SHLD2: variants seen among roughly 807,000 people sequenced by gnomAD.
SHLD2 encodes RINN1-REV7-interacting novel NHEJ regulator 2.
A neutral mutation model predicts 73.2 loss-of-function variants in SHLD2; 30 were observed. That is an observed-to-expected ratio of 0.41 (90% CI 0.31 to 0.56). The LOEUF (loss-of-function observed/expected upper bound fraction) is 0.56. SHLD2 is among the 20% of genes least tolerant of loss of function. The pLI, the probability that SHLD2 is intolerant of heterozygous loss-of-function variation, is 0.28. For missense variants in SHLD2, 745 were observed against 1,055.9 expected (o/e 0.71, Z 4.08); for synonymous variants, 285 against 370.1 (o/e 0.77, Z 2.64).
intron 2 of SHLD2, among the ~76,000 whole-genome samples, chr10:87,110,476 G>T (rs1038375703): frequency 6.6e-6 from 1 of 151,532 alleles, no homozygotes; most frequent in African/African-American, 2.4e-5. Context: ...AAGTGGTGGC[G>T]GGTGTCTGTA....
chr10:87,108,076 G>A (rs761623986), intron 2 of SHLD2, among the ~76,000 whole-genome samples: 1 of 151,746 alleles, frequency 6.6e-6, no homozygotes, highest in African/African-American at 2.4e-5. Context: ...TTTTTGAGAC[G>A]GAGTTTCGCT....
In SHLD2 at chr10:87,178,408, A is replaced by AT. The variant is rs1166390094; in HGVS notation, c.2171-1656dup. 7.8e-3 allele frequency among the ~76,000 whole-genome samples: 1,162 copies of AT among 149,136 alleles called. 17 individuals carry two copies. The highest frequency in any genetic ancestry group is 0.027 in the African/African-American group (1,109 of 40,754). On this transcript the variant is annotated intron_variant, in intron 7 of 9. Transcript: ENST00000298786. ...CTCTGAATCTGAAATAAAAATCGAA[A>AT]TTTTTTTTTTTACATAATTTTTTAG...
intron 2 of SHLD2, among the ~76,000 whole-genome samples, chr10:87,139,216 G>A (rs1845010354): frequency 6.6e-6 from 1 of 151,612 alleles, no homozygotes; most frequent in Non-Finnish European, 1.5e-5. Context: ...CTTCAAAGTG[G>A]GGTTAAATTA....
At chr10:87,180,402 G>A in intron 8 of SHLD2, 99 bp downstream of exon 8, 1 of 1,459,328 alleles carries the variant, frequency 6.9e-7, no homozygotes, top group Non-Finnish European at 9.2e-7. Flanking sequence ...ATTAACTAGA[G>A]CTAGTCGAAG....
At chr10:87,098,014 G>A (rs1329827149) in intron 2 of SHLD2, among the ~76,000 whole-genome samples, 1 of 151,862 alleles carries the variant, frequency 6.6e-6, no homozygotes, top group Non-Finnish European at 1.5e-5. Context: ...TGCCCGCCTT[G>A]GCCACCGAAA....
At chr10:87,138,298 CA>C (rs1317647424) in intron 2 of SHLD2, among the ~76,000 whole-genome samples, 1 of 139,356 alleles carries the variant, frequency 7.2e-6, no homozygotes, top group Non-Finnish European at 1.5e-5. Flanking sequence ...GACTCAGTCT[CA>C]AAAACAAAGA....
At chr10:87,119,763 G>A (rs1843475813) in intron 2 of SHLD2, among the ~76,000 whole-genome samples, 1 of 136,624 alleles carries the variant, frequency 7.3e-6, no homozygotes, top group Non-Finnish European at 1.5e-5. Context: ...GGGCAACAGT[G>A]CAAGACTCTG....
intron 4 of SHLD2, among the ~76,000 whole-genome samples, chr10:87,162,936 A>T (rs767509699): frequency 2.0e-5 from 3 of 152,174 alleles, no homozygotes; most frequent in African/African-American, 7.2e-5. Context: ...ACAAAATTAC[A>T]TATGTACTTA....
intron 2 of SHLD2, among the ~76,000 whole-genome samples, chr10:87,138,188 C>T (rs1324004405): frequency 6.6e-6 from 1 of 152,028 alleles, no homozygotes; most frequent in Non-Finnish European, 1.5e-5. Flanking sequence ...GTCCCAGCTA[C>T]TCGGGAGGCT....
In SHLD2 at chr10:87,151,685, A is replaced by G. The variant is rs1171735560; in HGVS notation, c.331A>G (p.Arg111Gly). 1 of 1,611,306 alleles carries G rather than the reference A, an allele frequency of 6.2e-7. No individual in the cohort carries two copies. The highest frequency in any genetic ancestry group is 1.7e-5 in the Admixed American group (1 of 59,998). The change falls in exon 3 of 10, where the codon AGA becomes GGA. Residue 111 changes from arginine (R) to glycine (G), a missense_variant. This residue lies in a region of SHLD2 where 280 missense variants were observed against 353.9 expected (regional missense o/e 0.79). Coordinates refer to ENST00000298786, the MANE Select transcript of SHLD2 (RefSeq NM_001330112.2). Reference protein sequence around the residue: ...NIESQKIHSSRLSDITSSNMQ... With the variant: ...NIESQKIHSSGLSDITSSNMQ... ...AGAATCCCAGAAGATTCACTCCTCTAGACTGAGTGATATAACTAGCTCTAA... is the reference window on the plus strand; with the variant it reads ...AGAATCCCAGAAGATTCACTCCTCTGGACTGAGTGATATAACTAGCTCTAA...
chr10:87,117,056 G>A (rs1843300935), intron 2 of SHLD2, among the ~76,000 whole-genome samples: 2 of 152,226 alleles, frequency 1.3e-5, no homozygotes, highest in Non-Finnish European at 2.9e-5. Flanking sequence ...ATCCAGCTAT[G>A]GAGTGGGTTT....
intron 2 of SHLD2, among the ~76,000 whole-genome samples, chr10:87,116,749 T>A (rs1843283245): frequency 6.6e-6 from 1 of 152,112 alleles, no homozygotes; most frequent in African/African-American, 2.4e-5. Context: ...GTATATATAT[T>A]TGTATGAATG....
At chr10:87,168,747 A>G (rs932932784) in intron 4 of SHLD2, among the ~76,000 whole-genome samples, 11 of 152,208 alleles carry the variant, frequency 7.2e-5, no homozygotes, top group Non-Finnish European at 1.5e-4. Context: ...ACTCATGGAC[A>G]TAGAGGTGGC....
chr10:87,172,000 A>G lies in SHLD2; in HGVS notation c.1963+1026A>G, dbSNP rs200196304. Among the ~76,000 whole-genome samples the G allele has an allele frequency of 6.6e-5, 10 of 152,340 alleles. No individual in the cohort carries two copies. The East Asian group carries it at 7.7e-4, about 12-fold the overall frequency. On this transcript the variant is annotated intron_variant, in intron 6 of 9. Coordinates refer to ENST00000298786, the MANE Select transcript of SHLD2 (RefSeq NM_001330112.2). ...GAGCCGTAACAAAGCAGATTGCTCC[A>G]TGTTTAATGTGAATATTCTTTTAAA... is the stretch of plus-strand genomic sequence containing the variant.
At chr10:87,099,905 A>T (rs1399135255) in intron 2 of SHLD2, among the ~76,000 whole-genome samples, 1 of 152,090 alleles carries the variant, frequency 6.6e-6, no homozygotes, top group Non-Finnish European at 1.5e-5. Context: ...GACCATTTTT[A>T]TGTCTTATTT....
intron 2 of SHLD2, among the ~76,000 whole-genome samples, chr10:87,111,225 C>G (rs575339404): frequency 1.2e-4 from 18 of 152,204 alleles, no homozygotes; most frequent in Non-Finnish European, 1.9e-4. Context: ...ACAGTGGCGC[C>G]ATCATGGCTC....
chr10:87,173,324 A>C lies in SHLD2; in HGVS notation c.1963+2350A>C, dbSNP rs1386252767. ...ATTATAGGCATGAGCCAGCCACCGC[A>C]CCCGGCCAGCATAATGAACTTAGGT... On this transcript the variant is annotated intron_variant, in intron 6 of 9. Coordinates refer to ENST00000298786, the MANE Select transcript of SHLD2 (RefSeq NM_001330112.2). Among the ~76,000 whole-genome samples the C allele has an allele frequency of 3.3e-5, 5 of 152,192 alleles. No individual in the cohort carries two copies. The East Asian group carries it at 5.8e-4, about 18-fold the overall frequency.
At chr10:87,102,370 C>T (rs966344119) in intron 2 of SHLD2, among the ~76,000 whole-genome samples, 3 of 152,116 alleles carry the variant, frequency 2.0e-5, no homozygotes, top group Non-Finnish European at 4.4e-5. Context: ...CCTCAACCTC[C>T]CAAGTAGCTG....
At chr10:87,111,632 G>A (rs1589444288) in intron 2 of SHLD2, among the ~76,000 whole-genome samples, 1 of 127,006 alleles carries the variant, frequency 7.9e-6, no homozygotes, top group South Asian at 2.7e-4. Flanking sequence ...CAGGGCAAGA[G>A]TCTGTCTCAA....
Sources: gnomAD v4.1 joint callset for allele counts (sites outside exome capture counted in the v4.1 genomes callset) on GRCh38, gnomAD v4.1.1 for gene constraint, gnomAD v4.1.1 regional missense constraint, MANE v1.5 for transcripts, NCBI Gene and HGNC (gene_info 2026-07-23, HGNC 2026-07-21) for gene names.